Variants in GPR55 observed in about 807,000 individuals in gnomAD.
The protein encoded by GPR55 is G protein-coupled receptor 55, also known as G-protein coupled receptor 55.
A neutral mutation model predicts 7.9 loss-of-function variants in GPR55; 6 were observed. The ratio of observed to expected loss-of-function variants is 0.76; its 90% CI spans 0.41 to 1.49. GPR55 has a LOEUF of 1.49. GPR55 is among the 40% of genes most tolerant of loss of function. GPR55 has a pLI of 0.01. For synonymous variants in GPR55, 183 were observed against 166.8 expected, an observed-to-expected ratio of 1.10 and a Z score of -0.75; for missense variants, 376 against 406.0, an observed-to-expected ratio of 0.93 and a Z score of 0.63.
At chr2:230,931,211 G>A (rs370340497) in intron 1 of GPR55, among the ~76,000 whole-genome samples, 12 of 152,164 alleles carry the variant, frequency 7.9e-5, no homozygotes, top group African/African-American at 2.2e-4. Flanking sequence ...AAGTCCTCCC[G>A]ACTCTTCAAG....
intron 1 of GPR55, among the ~76,000 whole-genome samples, chr2:230,939,458 GTTC>G (rs1691185956): frequency 6.6e-6 from 1 of 152,228 alleles, no homozygotes; most frequent in Non-Finnish European, 1.5e-5. Context: ...GTCTGGGGGT[GTTC>G]TTCTCGGAAG....
At chr2:230,932,956 G>A (rs1367554345) in intron 1 of GPR55, among the ~76,000 whole-genome samples, 2 of 152,180 alleles carry the variant, frequency 1.3e-5, no homozygotes, top group Non-Finnish European at 1.5e-5. Flanking sequence ...AACAGAAGCC[G>A]GACTGAACTC....
chr2:230,944,944 C>T lies in GPR55; in HGVS notation c.-135+15831G>A, dbSNP rs147766858. Among the ~76,000 whole-genome samples the T allele has an allele frequency of 4.8e-3, 735 of 152,296 alleles. 6 individuals carry two copies. The highest frequency in any genetic ancestry group is 0.017 in the African/African-American group (705 of 41,542). ...CGAACGTAGATGCTGTCCCAGCCAC[C>T]CACACTCGCTGCCGGGGGAAGAACC... On this transcript the variant is annotated intron_variant, in intron 1 of 1. Coordinates refer to the GPR55 transcript ENST00000392039. The surrounding 1 kb of genome is among the most constrained non-coding windows in gnomAD (Gnocchi z 4.2).
intron 1 of GPR55, among the ~76,000 whole-genome samples, chr2:230,945,524 G>A (rs962505557): frequency 6.6e-6 from 1 of 152,218 alleles, no homozygotes; most frequent in African/African-American, 2.4e-5. Context: ...CACAATGGAG[G>A]AATCTGAATA....
Position 230,924,183 on chromosome 2 carries a change from G to C in GPR55, c.-135+985C>G, listed in dbSNP as rs894615519. Among the ~76,000 whole-genome samples the C allele has an allele frequency of 6.6e-6, 1 of 152,152 alleles. No homozygotes were observed. Among genetic ancestry groups the C allele is most frequent in the Non-Finnish European group, 1.5e-5 (1 of 68,016 alleles). On this transcript the variant is annotated intron_variant, in intron 1 of 1. Coordinates refer to ENST00000650999, the MANE Select transcript of GPR55 (RefSeq NM_005683.4). This position sits in a 1 kb window ranked among gnomAD's most constrained non-coding sequence, Gnocchi z 4.5. ...AGTTTGTCGTTGGGAAGGTCTTATT[G>C]CATGAAAGAGGGGGTGAAGAAATGA... is the stretch of plus-strand genomic sequence containing the variant.
intron 1 of GPR55, among the ~76,000 whole-genome samples, chr2:230,918,578 C>A (rs1198099295): frequency 6.6e-6 from 1 of 152,180 alleles, no homozygotes; most frequent in African/African-American, 2.4e-5. Context: ...ATTAAACTAA[C>A]TTATCCAAAT....
At chr2:230,929,624 CT>C (rs1347359352), upstream of GPR55, 1 of 152,284 alleles carries the variant, frequency 6.6e-6, no homozygotes, top group African/African-American at 2.4e-5. Flanking sequence ...TGCAGTCATC[CT>C]GCCCATGGCT....
chr2:230,927,883 A>G (rs937907581), upstream of GPR55, among the ~76,000 whole-genome samples: 1 of 152,198 alleles, frequency 6.6e-6, no homozygotes, highest in African/African-American at 2.4e-5. Flanking sequence ...CAAGGGGGGA[A>G]ACCTGCCCAC....
chr2:230,945,921 A>G (rs897708052), intron 1 of GPR55, among the ~76,000 whole-genome samples: 3 of 152,246 alleles, frequency 2.0e-5, no homozygotes, highest in Non-Finnish European at 2.9e-5. Context: ...TGGTAGTTGC[A>G]TTAAAAAGTG....
In GPR55 at chr2:230,920,489, T is replaced by TA. The variant is rs201788177; in HGVS notation, c.-135+4678_-135+4679insT. 8.6e-3 allele frequency among the ~76,000 whole-genome samples: 1,304 copies of TA among 151,888 alleles called. 17 individuals are homozygous for TA. Among genetic ancestry groups the TA allele is most frequent in the African/African-American group, 0.029 (1,187 of 41,352 alleles). Reference sequence around the variant, plus strand: ...AACAAGAACCTGATTCATGATTTTTTTAAAAAAAAATTGAAAAATAAACAA... The same window carrying TA: ...AACAAGAACCTGATTCATGATTTTTTATAAAAAAAAATTGAAAAATAAACAA... On this transcript the variant is annotated intron_variant, in intron 1 of 1. Coordinates refer to ENST00000650999, the MANE Select transcript of GPR55 (RefSeq NM_005683.4).
chr2:230,920,225 T>A (rs1690802589), intron 1 of GPR55, among the ~76,000 whole-genome samples: 1 of 152,116 alleles, frequency 6.6e-6, no homozygotes, highest in Non-Finnish European at 1.5e-5. Flanking sequence ...AATTTTTTCC[T>A]TCTGTATCAG....
intron 1 of GPR55, among the ~76,000 whole-genome samples, chr2:230,948,630 A>C (rs1001431030): frequency 4.6e-5 from 7 of 152,194 alleles, no homozygotes; most frequent in Non-Finnish European, 8.8e-5. Context: ...AGAGCTGTAG[A>C]TATTCCTTCC....
intron 1 of GPR55, among the ~76,000 whole-genome samples, chr2:230,942,909 AT>A (rs1691255914): frequency 6.6e-6 from 1 of 152,088 alleles, no homozygotes; most frequent in South Asian, 2.1e-4. Flanking sequence ...TTCCTTCATC[AT>A]TGCCAATGAA....
intron 1 of GPR55, among the ~76,000 whole-genome samples, chr2:230,957,223 T>G (rs1691495313): frequency 6.6e-6 from 1 of 152,252 alleles, no homozygotes; most frequent in Non-Finnish European, 1.5e-5. Context: ...TGAGAACTTT[T>G]GCCTTTTCGC....
Position 230,940,726 on chromosome 2 carries a change from C to T in GPR55, c.-135+20049G>A, listed in dbSNP as rs1293198725. Among the ~76,000 whole-genome samples the T allele has an allele frequency of 2.7e-5, 4 of 150,796 alleles. No homozygotes were observed. The South Asian group carries it at 6.2e-4, about 23-fold the overall frequency. Reference sequence around the variant, plus strand: ...GGGCAGGTCGAAGAGTATGAAAGTGCTGCCTGCGTTTCTGGCCAGTCCAGG... The same window carrying T: ...GGGCAGGTCGAAGAGTATGAAAGTGTTGCCTGCGTTTCTGGCCAGTCCAGG... On this transcript the variant is annotated intron_variant, in intron 1 of 1. Coordinates refer to the GPR55 transcript ENST00000392039.
chr2:230,943,547 G>A (rs1691267648), intron 1 of GPR55, among the ~76,000 whole-genome samples: 1 of 152,270 alleles, frequency 6.6e-6, no homozygotes, highest in Admixed American at 6.5e-5. Context: ...CACGGAGCAA[G>A]AGCCTGGAGA....
chr2:230,940,036 A>T (rs116571922), intron 1 of GPR55, among the ~76,000 whole-genome samples: 3,704 of 152,122 alleles, frequency 0.024, 140 homozygotes, highest in African/African-American at 0.085. Flanking sequence ...AGGCACCAGA[A>T]AGAGCCAGTC....
intron 1 of GPR55, among the ~76,000 whole-genome samples, chr2:230,931,083 C>T (rs1691031079): frequency 6.6e-6 from 1 of 152,188 alleles, no homozygotes; most frequent in Non-Finnish European, 1.5e-5. Flanking sequence ...CTGCAAAACG[C>T]TTTGTCCTGA....
At chr2:230,958,319 C>T (rs1445613758) in intron 1 of GPR55, among the ~76,000 whole-genome samples, 1 of 152,138 alleles carries the variant, frequency 6.6e-6, no homozygotes, top group Non-Finnish European at 1.5e-5. Flanking sequence ...TGTTTTGATA[C>T]AGACATGCAA....
Sources: allele counts gnomAD v4.1 joint callset (sites outside exome capture counted in the v4.1 genomes callset), GRCh38; gene constraint gnomAD v4.1.1; non-coding constraint Gnocchi (gnomAD v3.1); transcripts MANE v1.5; gene names NCBI Gene and HGNC (gene_info 2026-07-23, HGNC 2026-07-21).